The following C8orf34 variants were observed in gnomAD, a reference collection of about 807,000 sequenced individuals.
C8orf34 encodes the protein uncharacterized protein C8orf34.
In C8orf34, 65 loss-of-function variants were observed where a neutral mutation model predicts 68.3. The ratio of observed to expected loss-of-function variants is 0.95; its 90% CI spans 0.78 to 1.17. C8orf34 has a LOEUF of 1.17. C8orf34 is among the 50% of genes most tolerant of loss of function. The probability of loss-of-function intolerance (pLI) is 0.00; values close to 1 mark genes in which losing one functional copy is unlikely to be tolerated. For missense variants in C8orf34, 664 were observed against 655.4 expected, an observed-to-expected ratio of 1.01 and a Z score of -0.14; for synonymous variants, 244 against 241.2, an observed-to-expected ratio of 1.01 and a Z score of -0.11.
At chr8:68,378,899 G>T (rs1421880841) in intron 1 of C8orf34, among the ~76,000 whole-genome samples, 1 of 152,008 alleles carries the variant, frequency 6.6e-6, no homozygotes, top group African/African-American at 2.4e-5. Flanking sequence ...AATATATAAA[G>T]TCTGACATTA....
At position 68,636,826 on chromosome 8, in the gene C8orf34, A is replaced by G. The variant is rs547492850; in HGVS notation, c.1106-3550A>G. Among the ~76,000 whole-genome samples, 20 of 152,244 alleles carry G rather than the reference A, an allele frequency of 1.3e-4. 1 individual carries two copies. In the South Asian group the frequency reaches 1.7e-3, roughly 13 times the overall value. On this transcript the variant is annotated intron_variant, in intron 7 of 13. Coordinates refer to ENST00000518698, the MANE Select transcript of C8orf34 (RefSeq NM_052958.4). Reference sequence around the variant, plus strand: ...CACATACAAGCATTTAAGCCTCCACATGGAATTCAATGTACCAGCATCATG... The same window carrying G: ...CACATACAAGCATTTAAGCCTCCACGTGGAATTCAATGTACCAGCATCATG...
chr8:68,541,207 A>G (rs1586347803), intron 7 of C8orf34, among the ~76,000 whole-genome samples: 1 of 152,262 alleles, frequency 6.6e-6, no homozygotes, highest in East Asian at 1.9e-4. Flanking sequence ...TCACACCTGT[A>G]ATCCTAACAC....
At chr8:68,674,496 G>A (rs1820117594) in intron 8 of C8orf34, among the ~76,000 whole-genome samples, 1 of 152,242 alleles carries the variant, frequency 6.6e-6, no homozygotes, top group South Asian at 2.1e-4. Context: ...GTTGAAAAAT[G>A]CAGTTGACAT....
At chr8:68,515,373 CT>C (rs1480182682) in intron 5 of C8orf34, among the ~76,000 whole-genome samples, 55 of 138,488 alleles carry the variant, frequency 4.0e-4, no homozygotes, top group African/African-American at 1.3e-3. Context: ...GATAATTTCT[CT>C]TTTTTTTCTT....
intron 10 of C8orf34, among the ~76,000 whole-genome samples, chr8:68,746,140 G>A (rs868859684): frequency 2.2e-4 from 33 of 152,264 alleles, no homozygotes; most frequent in African/African-American, 7.7e-4. Context: ...TGACTACTGG[G>A]TACATAACGA....
chr8:68,560,481 C>T (rs142076115), intron 7 of C8orf34, among the ~76,000 whole-genome samples: 1 of 152,284 alleles, frequency 6.6e-6, no homozygotes, highest in African/African-American at 2.4e-5. Context: ...GATGGGGACA[C>T]TTTCTAAGAA....
At chr8:68,652,596 G>A (rs899766869) in intron 8 of C8orf34, among the ~76,000 whole-genome samples, 5 of 152,134 alleles carry the variant, frequency 3.3e-5, no homozygotes, top group Admixed American at 2.0e-4. Context: ...TCTATGATGT[G>A]AGACAGGGAT....
intron 7 of C8orf34, among the ~76,000 whole-genome samples, chr8:68,566,069 A>C (rs1816579062): frequency 6.6e-6 from 1 of 152,144 alleles, no homozygotes. Flanking sequence ...TTCCTATGTT[A>C]AGCATTTCAG....
intron 3 of C8orf34, among the ~76,000 whole-genome samples, chr8:68,450,862 C>CATT (rs1811311987): frequency 6.6e-6 from 1 of 152,102 alleles, no homozygotes; most frequent in Admixed American, 6.6e-5. Context: ...TCACCAGCTG[C>CATT]ATTAGCCCCT....
chr8:68,396,689 TA>T (rs1257699350), intron 1 of C8orf34, among the ~76,000 whole-genome samples: 5 of 132,080 alleles, frequency 3.8e-5, no homozygotes, highest in Non-Finnish European at 7.7e-5. Flanking sequence ...CTCATTCTAT[TA>T]GTTCCTGCAA....
intron 10 of C8orf34, among the ~76,000 whole-genome samples, chr8:68,770,220 A>G (rs1563659146): frequency 6.6e-6 from 1 of 152,188 alleles, no homozygotes; most frequent in East Asian, 1.9e-4. Context: ...CTCTGGTTCT[A>G]TTGTCAATAC....
At chr8:68,556,128 C>T (rs1816242684) in intron 7 of C8orf34, among the ~76,000 whole-genome samples, 1 of 151,144 alleles carries the variant, frequency 6.6e-6, no homozygotes, top group Non-Finnish European at 1.5e-5. Context: ...AGTAGCAAAC[C>T]TTATGTATGT....
At chr8:68,348,545 G>A in intron 1 of C8orf34, among the ~76,000 whole-genome samples, 1 of 151,956 alleles carries the variant, frequency 6.6e-6, no homozygotes, top group Non-Finnish European at 1.5e-5. Flanking sequence ...TCTATAAATT[G>A]CCTTGGGCAG....
intron 6 of C8orf34, among the ~76,000 whole-genome samples, chr8:68,525,193 G>A (rs1814923182): frequency 6.6e-6 from 1 of 152,060 alleles, no homozygotes; most frequent in Non-Finnish European, 1.5e-5. Flanking sequence ...TCTATTGGCA[G>A]AAAGAGACAA....
chr8:68,769,835 T>C (rs1305308428), intron 10 of C8orf34, among the ~76,000 whole-genome samples: 1 of 152,182 alleles, frequency 6.6e-6, no homozygotes. Context: ...TTTTGCCCTC[T>C]AACAACTCAC....
At chr8:68,792,020 T>C (rs1364956686) in intron 12 of C8orf34, 2 of 152,184 alleles carry the variant, frequency 1.3e-5, no homozygotes, top group Non-Finnish European at 2.9e-5. Flanking sequence ...CCCCACATTA[T>C]AATAACAATT....
At chr8:68,494,653 G>A (rs539841673) in intron 5 of C8orf34, among the ~76,000 whole-genome samples, 10 of 152,114 alleles carry the variant, frequency 6.6e-5, no homozygotes, top group South Asian at 2.1e-4. Context: ...TCAGGAGTTC[G>A]AGACCAGCTT....
chr8:68,380,949 G>C (rs1362241684), intron 1 of C8orf34, among the ~76,000 whole-genome samples: 1 of 152,140 alleles, frequency 6.6e-6, no homozygotes, highest in Non-Finnish European at 1.5e-5. Flanking sequence ...TAATAAGTTA[G>C]ATGATAAAAT....
chr8:68,336,012 A>C (rs1289747269), intron 1 of C8orf34, among the ~76,000 whole-genome samples: 5 of 152,120 alleles, frequency 3.3e-5, no homozygotes, highest in Non-Finnish European at 7.4e-5. Flanking sequence ...GCTTGAACCC[A>C]GGAAGTGGAG....
Sources: gnomAD v4.1 joint callset for allele counts (sites outside exome capture counted in the v4.1 genomes callset) on GRCh38, gnomAD v4.1.1 for gene constraint, MANE v1.5 for transcripts, NCBI Gene and HGNC (gene_info 2026-07-23, HGNC 2026-07-21) for gene names.